Variants in ZNF655 observed in about 807,000 individuals in gnomAD.
ZNF655 encodes the protein zinc finger protein 655, also known as Vav-interacting Kruppel-like protein 1.
A neutral mutation model predicts 6.6 loss-of-function variants in ZNF655; 3 were observed. That is an observed-to-expected ratio of 0.46 (90% CI 0.21 to 1.18). ZNF655 has a LOEUF of 1.18. Ranked by LOEUF, ZNF655 falls within the 50% of genes most tolerant of loss-of-function variation. ZNF655 has a pLI of 0.24. For synonymous variants in ZNF655, 178 were observed against 195.0 expected (o/e 0.91, Z 0.73); for missense variants, 526 against 572.3 (o/e 0.92, Z 0.83).
intron 2 of ZNF655, chr7:99,561,740 A>G (rs1803190795): frequency 2.4e-6 from 1 of 425,200 alleles, no homozygotes; most frequent in Non-Finnish European, 4.1e-6. Flanking sequence ...AGCAGAGTAG[A>G]CACACCCAAT....
intron 2 of ZNF655, among the ~76,000 whole-genome samples, chr7:99,569,102 A>G (rs530733043): frequency 2.6e-5 from 4 of 152,236 alleles, no homozygotes; most frequent in East Asian, 3.9e-4. Context: ...CCTTTTAATT[A>G]ACACTTCTGC....
At chr7:99,560,279 G>A (rs1267384610) in intron 1 of ZNF655, among the ~76,000 whole-genome samples, 1 of 151,452 alleles carries the variant, frequency 6.6e-6, no homozygotes, top group Admixed American at 6.6e-5. Flanking sequence ...AGAAGAAGTT[G>A]CACCATGTTG....
At position 99,574,534 on chromosome 7, in the gene ZNF655, G is replaced by C. The variant is rs1804291664; in HGVS notation, c.*950G>C. 1 of 152,124 alleles carries C rather than the reference G, an allele frequency of 6.6e-6. No individual in the cohort carries two copies. Among genetic ancestry groups the C allele is most frequent in the African/African-American group, 2.4e-5 (1 of 41,408 alleles). 9.4% of individuals were successfully genotyped at this position (152,124 alleles called of 1,614,324 possible). A position where few individuals can be genotyped will look rare whatever the true frequency, so the allele number is the denominator to read the frequency against. ...TGGGGTTACAGGCGTGTGTCACTGT[G>C]CTGGGCCTATTTTATTTATAGAACT... On this transcript the variant is annotated 3_prime_UTR_variant, in exon 3 of 3. Coordinates refer to ENST00000252713, the MANE Select transcript of ZNF655 (RefSeq NM_138494.3).
At chr7:99,564,235 A>G (rs1803457988) in intron 2 of ZNF655, 1 of 1,358,750 alleles carries the variant, frequency 7.4e-7, no homozygotes, top group South Asian at 1.9e-5. Context: ...GGTGGTCATC[A>G]TCTACTTGTA....
chr7:99,566,789 A>C (rs1410828136), intron 2 of ZNF655, among the ~76,000 whole-genome samples: 3 of 152,258 alleles, frequency 2.0e-5, no homozygotes, highest in Admixed American at 6.5e-5. Flanking sequence ...TCCTGGGCTC[A>C]AGTGATCTGC....
chr7:99,561,079 T>C (rs1803108574), intron 2 of ZNF655: 1 of 159,294 alleles, frequency 6.3e-6, no homozygotes, highest in African/African-American at 2.4e-5. Flanking sequence ...TTCCCTTCAC[T>C]TAGTTTTTCT....
chr7:99,570,917 T>C (rs1353034323), intron 2 of ZNF655: 1 of 158,006 alleles, frequency 6.3e-6, no homozygotes, highest in Non-Finnish European at 1.4e-5. Context: ...TTAAAAGAGA[T>C]TTATATCCAA....
intron 1 of ZNF655, among the ~76,000 whole-genome samples, chr7:99,560,331 G>A (rs1333448804): frequency 1.3e-5 from 2 of 151,956 alleles, no homozygotes; most frequent in African/African-American, 4.8e-5. Context: ...TGATCTTCCC[G>A]CCTCAGCCTC....
At position 99,573,171 on chromosome 7, in the gene ZNF655, G is replaced by A. The variant is rs758856159; in HGVS notation, c.1063G>A (p.Glu355Lys). ...LLEHQRVHHE[E>K]KAYEYDEYGL... ...TGAACATCAGAGGGTCCATCATGAA[G>A]AGAAAGCCTATGAGTATGATGAATA... Residue 355 changes from glutamate to lysine, a missense_variant, in exon 3 of 3, where the codon GAG (glutamate) becomes AAG (lysine). By Grantham distance (56) the Glu-to-Lys change is moderately conservative. Coordinates refer to ENST00000252713, the MANE Select transcript of ZNF655 (RefSeq NM_138494.3). 1.2e-6 allele frequency: 2 copies of A among 1,614,026 alleles called. No homozygotes were observed. The highest frequency in any genetic ancestry group is 2.7e-5 in the African/African-American group (2 of 74,930).
At chr7:99,562,002 C>T in intron 2 of ZNF655, 2 of 1,530,402 alleles carry the variant, frequency 1.3e-6, no homozygotes, top group Admixed American at 2.1e-5. Flanking sequence ...TGCTTTTCCT[C>T]AGGGACTATT....
chr7:99,559,440 G>A (rs553863347), intron 1 of ZNF655, among the ~76,000 whole-genome samples: 3 of 151,784 alleles, frequency 2.0e-5, no homozygotes, highest in Non-Finnish European at 2.9e-5. Context: ...GGTTCACGCC[G>A]TAATCCCCGC....
chr7:99,569,283 T>C (rs901392526), intron 2 of ZNF655, among the ~76,000 whole-genome samples: 1 of 152,188 alleles, frequency 6.6e-6, no homozygotes, highest in Non-Finnish European at 1.5e-5. Context: ...ACAGGAAAAA[T>C]GTAAATAAAG....
chr7:99,562,348 G>A, intron 2 of ZNF655: 4 of 1,613,506 alleles, frequency 2.5e-6, no homozygotes, highest in Non-Finnish European at 3.4e-6. Flanking sequence ...CCTCAGAGCA[G>A]CCAGGATGTG....
chr7:99,564,552 A>C, intron 2 of ZNF655: 1 of 985,560 alleles, frequency 1.0e-6, no homozygotes, highest in Non-Finnish European at 1.2e-6. Context: ...TCTGTCCTTG[A>C]TGGAGGGGAG....
intron 2 of ZNF655, among the ~76,000 whole-genome samples, chr7:99,566,759 T>G (rs536292130): frequency 6.6e-6 from 1 of 152,272 alleles, no homozygotes; most frequent in Non-Finnish European, 1.5e-5. Flanking sequence ...TGTTTCGCTA[T>G]GTTACCCAGG....
chr7:99,563,198 A>G, intron 2 of ZNF655: 1 of 455,438 alleles, frequency 2.2e-6, no homozygotes, highest in Non-Finnish European at 4.4e-6. Context: ...GTACAGTGGG[A>G]AGCTGGGATT....
intron 2 of ZNF655, chr7:99,562,251 GT>G: frequency 7.5e-7 from 1 of 1,328,406 alleles, no homozygotes. Context: ...GTTCTAATCT[GT>G]TCTCCCTCCT....
In ZNF655 at chr7:99,573,790, T is replaced by A; in HGVS notation, c.*206T>A. On this transcript the variant is annotated 3_prime_UTR_variant, in exon 3 of 3. Transcript: ENST00000252713. ...AAAGGTATTAGTGTTAAACTCTTAA[T>A]CGACTCCTGCAAATCTATACCAGTG... is the stretch of plus-strand genomic sequence containing the variant. 1.7e-6 allele frequency: 1 copy of A among 587,360 alleles called. No individual in the cohort carries two copies. Among genetic ancestry groups the A allele is most frequent in the South Asian group, 2.9e-5 (1 of 34,756 alleles). The allele number at this position is 587,360 out of a possible 1,614,324, so 36.4% of individuals were successfully genotyped here. A position where few individuals can be genotyped will look rare whatever the true frequency, so the allele number is the denominator to read the frequency against.
At chr7:99,562,395 G>T in intron 2 of ZNF655, 1 of 1,614,136 alleles carries the variant, frequency 6.2e-7, no homozygotes, top group Non-Finnish European at 8.5e-7. Flanking sequence ...GGATGTGGCT[G>T]TGCACCTTAC....
Sources: gnomAD v4.1 joint callset for allele counts (sites outside exome capture counted in the v4.1 genomes callset) on GRCh38, gnomAD v4.1.1 for gene constraint, MANE v1.5 for transcripts, NCBI Gene and HGNC (gene_info 2026-07-23, HGNC 2026-07-21) for gene names.